Variants in LIPA observed in about 807,000 individuals in gnomAD.
The protein encoded by LIPA is lipase A, lysosomal acid type.
Under a neutral mutation model 40.6 loss-of-function variants are expected in LIPA, and 26 were observed. The observed-to-expected ratio is 0.64, with a 90% confidence interval of 0.47 to 0.89. The LOEUF (loss-of-function observed/expected upper bound fraction) is 0.89. Ranked by LOEUF, LIPA falls within the 40% of genes least tolerant of loss-of-function variation. The pLI is 0.00. For synonymous variants in LIPA, 188 were observed against 168.4 expected (o/e 1.12, Z -0.90); for missense variants, 455 against 479.6 (o/e 0.95, Z 0.48).
chr10:89,391,873 T>TA (rs1331276021), intron 2 of LIPA, among the ~76,000 whole-genome samples: 3 of 152,182 alleles, frequency 2.0e-5, no homozygotes, highest in Non-Finnish European at 4.4e-5. Flanking sequence ...ATAATAATAA[T>TA]AGTTACCACT....
chr10:89,309,030 G>A (rs755833044), intron 1 of LIPA: 4 of 152,090 alleles, frequency 2.6e-5, no homozygotes, highest in Non-Finnish European at 5.9e-5. Context: ...AAATAACCTC[G>A]ACTGGTCTAC....
intron 3 of LIPA, among the ~76,000 whole-genome samples, chr10:89,245,020 C>T (rs1843006358): frequency 6.6e-6 from 1 of 152,080 alleles, no homozygotes; most frequent in African/African-American, 2.4e-5. Flanking sequence ...TAATAGGACA[C>T]TTGGTAAATA....
At chr10:89,410,061 C>A (rs953329342) in intron 2 of LIPA, among the ~76,000 whole-genome samples, 1 of 152,154 alleles carries the variant, frequency 6.6e-6, no homozygotes, top group Admixed American at 6.5e-5. Flanking sequence ...TACTCAGACT[C>A]GTGGGACAAC....
In LIPA at chr10:89,393,087, A is replaced by G. The variant is rs2133612816; in HGVS notation, c.61+19704T>C. ...GAAGGAATGGACAGCTTGTCTGAGT[A>G]GAGGCATTGCTTTCTGCAGGTTCTT... On this transcript the variant is annotated intron_variant, in intron 2 of 8. Transcript: ENST00000371837. The G allele has an allele frequency of 3.2e-6, 4 of 1,242,910 alleles. No homozygotes were observed. In the South Asian group the frequency reaches 3.8e-5, roughly 12 times the overall value. The allele number at this position is 1,242,910 out of a possible 1,614,324, so 77.0% of individuals were successfully genotyped here.
At chr10:89,342,383 G>A (rs1283149738) in intron 1 of LIPA, 2 of 152,154 alleles carry the variant, frequency 1.3e-5, no homozygotes, top group African/African-American at 2.4e-5. Flanking sequence ...TACAAACGAG[G>A]AGACCCTGGT....
intron 1 of LIPA, chr10:89,332,587 AC>A: frequency 6.2e-7 from 1 of 1,613,926 alleles, no homozygotes; most frequent in Non-Finnish European, 8.5e-7. Flanking sequence ...ATCAACCGGG[AC>A]CCCAGCTTTT....
chr10:89,316,446 T>G (rs1481497771), intron 1 of LIPA, among the ~76,000 whole-genome samples: 2 of 152,222 alleles, frequency 1.3e-5, no homozygotes, highest in African/African-American at 2.4e-5. Flanking sequence ...GAGGGTCCCA[T>G]GCCCAGGGAG....
intron 1 of LIPA, among the ~76,000 whole-genome samples, chr10:89,288,832 C>T (rs1410977410): frequency 6.6e-6 from 1 of 152,254 alleles, no homozygotes; most frequent in Non-Finnish European, 1.5e-5. Context: ...AATATTTATA[C>T]TGACTCTAAA....
chr10:89,227,822 C>T lies in LIPA; in HGVS notation c.428+378G>A, dbSNP rs112304527. Among the ~76,000 whole-genome samples the T allele has an allele frequency of 7.9e-5, 12 of 152,198 alleles. 2 individuals carry two copies. The highest frequency in any genetic ancestry group is 2.9e-4 in the African/African-American group (12 of 41,524). On this transcript the variant is annotated intron_variant, in intron 4 of 9. Coordinates refer to ENST00000336233, the MANE Select transcript of LIPA (RefSeq NM_000235.4). The stretch of plus-strand genomic sequence containing the variant: ...ATGTCCAATGTCATACAGCAATTAA[C>T]TGGTGGAGCCAGAAGGAAGAGGGAG...
At chr10:89,375,955 C>T (rs1438547085) in intron 2 of LIPA, among the ~76,000 whole-genome samples, 2 of 151,936 alleles carry the variant, frequency 1.3e-5, no homozygotes, top group Admixed American at 6.6e-5. Flanking sequence ...AGGAGGCCAA[C>T]ACAGGTGCAT....
chr10:89,363,033 C>A, intron 2 of LIPA: 1 of 239,688 alleles, frequency 4.2e-6, no homozygotes, highest in South Asian at 7.9e-5. Flanking sequence ...TGAAAAAGCT[C>A]TAATCAGTAT....
intron 2 of LIPA, chr10:89,363,183 T>A (rs940797155): frequency 4.1e-5 from 9 of 216,944 alleles, no homozygotes; most frequent in Middle Eastern, 5.2e-4. Flanking sequence ...GATAGGGCTT[T>A]GCTGCAGGAA....
intron 1 of LIPA, among the ~76,000 whole-genome samples, chr10:89,266,048 T>A (rs1843234105): frequency 6.6e-6 from 1 of 152,218 alleles, no homozygotes; most frequent in African/African-American, 2.4e-5. Context: ...CTGTGATGTA[T>A]GTTTTCTACA....
chr10:89,231,456 G>A (rs941248796), intron 3 of LIPA, among the ~76,000 whole-genome samples: 5 of 150,310 alleles, frequency 3.3e-5, no homozygotes, highest in African/African-American at 1.2e-4. Flanking sequence ...CCCAGGCCAA[G>A]AGTATAAAAT....
In LIPA at chr10:89,214,498, A is replaced by G. The variant is rs117967877; in HGVS notation, c.*330T>C. The G allele has an allele frequency of 7.8e-4, 194 of 250,104 alleles. 2 individuals carry two copies. The East Asian group carries it at 0.019, about 25-fold the overall frequency. The allele number at this position is 250,104 out of a possible 1,614,324, so 15.5% of individuals were successfully genotyped here. A position where few individuals can be genotyped will look rare whatever the true frequency, so the allele number is the denominator to read the frequency against. On this transcript the variant is annotated 3_prime_UTR_variant, in exon 10 of 10. Transcript: ENST00000336233. ...TCCAACACATATATTACTTTGTCCT[A>G]TGAAGGGCAAAAAGTCAATATATTT...
chr10:89,245,684 G>A lies in LIPA; in HGVS notation c.221C>T (p.Ser74Phe). 4 of 1,554,124 alleles carry A rather than the reference G, an allele frequency of 2.6e-6. No individual in the cohort carries two copies. In the Middle Eastern group the frequency reaches 5.2e-4, roughly 203 times the overall value. The change falls in exon 3 of 10, where the codon TCT becomes TTT. Residue 74 changes from serine (S) to phenylalanine (F), a missense_variant. Coordinates refer to ENST00000336233, the MANE Select transcript of LIPA (RefSeq NM_000235.4). Reference protein sequence around the residue: ...NRIPHGRKNHSDKGPKPVVFL... With the variant: ...NRIPHGRKNHFDKGPKPVVFL... ...TAAGAGCCTTCCCATACCTTTGTCA[G>A]AATGGTTCTTCCTCCCATGAGGAAT...
chr10:89,246,329 G>A (rs1843024835), intron 2 of LIPA, among the ~76,000 whole-genome samples: 1 of 152,184 alleles, frequency 6.6e-6, no homozygotes, highest in Non-Finnish European at 1.5e-5. Flanking sequence ...TATAAGGAAG[G>A]ATTCATGGGA....
intron 3 of LIPA, among the ~76,000 whole-genome samples, chr10:89,238,122 T>C (rs1842927490): frequency 1.3e-5 from 2 of 152,202 alleles, no homozygotes; most frequent in Admixed American, 1.3e-4. Context: ...TCCATATCCA[T>C]GACTTAGCCA....
chr10:89,295,822 G>A (rs1481766688), intron 1 of LIPA, among the ~76,000 whole-genome samples: 1 of 152,180 alleles, frequency 6.6e-6, no homozygotes, highest in Non-Finnish European at 1.5e-5. Flanking sequence ...AATAACACCA[G>A]GAGAAAGTTG....
Sources: gnomAD v4.1 joint callset for allele counts (sites outside exome capture counted in the v4.1 genomes callset) on GRCh38, gnomAD v4.1.1 for gene constraint, MANE v1.5 for transcripts, NCBI Gene and HGNC (gene_info 2026-07-23, HGNC 2026-07-21) for gene names.